NXPE2: variants seen among roughly 807,000 people sequenced by gnomAD.
NXPE2 encodes the protein NXPE family member 2.
Under a neutral mutation model 34.4 loss-of-function variants are expected in NXPE2, and 34 were observed. That is an observed-to-expected ratio of 0.99 (90% CI 0.75 to 1.31). The LOEUF (loss-of-function observed/expected upper bound fraction) is 1.31, where lower values mean the gene tolerates loss of function less well. Among genes scored for constraint, NXPE2 ranks in the 40% most tolerant of loss-of-function variants. NXPE2 has a pLI of 0.00. For missense variants in NXPE2, 649 were observed against 672.5 expected, an observed-to-expected ratio of 0.97 and a Z score of 0.39; for synonymous variants, 235 against 231.3, an observed-to-expected ratio of 1.02 and a Z score of -0.15.
At chr11:114,753,783 G>T in the NXPE2 span, among the ~76,000 whole-genome samples, 14 of 152,204 alleles carry the variant, frequency 9.2e-5, no homozygotes, top group Non-Finnish European at 1.5e-4. Context: ...CTATTGAAAA[G>T]CATTCACATT....
chr11:114,738,917 T>C, the NXPE2 span, among the ~76,000 whole-genome samples: 1 of 152,198 alleles, frequency 6.6e-6, no homozygotes, highest in South Asian at 2.1e-4. Flanking sequence ...TTCATTCAAG[T>C]TGTGCTTTAC....
At chr11:114,808,817 G>C in the NXPE2 span, among the ~76,000 whole-genome samples, 1 of 152,284 alleles carries the variant, frequency 6.6e-6, no homozygotes, top group East Asian at 1.9e-4. Context: ...AACAGAAAAA[G>C]AGGGAATCCT....
the NXPE2 span, among the ~76,000 whole-genome samples, chr11:114,742,866 G>T: frequency 6.6e-6 from 1 of 152,058 alleles, no homozygotes; most frequent in Admixed American, 6.6e-5. Flanking sequence ...TGTTTATATG[G>T]GTTTGACCAA....
the NXPE2 span, among the ~76,000 whole-genome samples, chr11:114,613,875 C>T: frequency 6.6e-6 from 1 of 151,924 alleles, no homozygotes. Context: ...ACCACTTTTG[C>T]CCTGTGGATA....
the NXPE2 span, among the ~76,000 whole-genome samples, chr11:114,525,840 C>T: frequency 9.2e-5 from 14 of 152,292 alleles, no homozygotes; most frequent in African/African-American, 1.7e-4. Context: ...TGTCTTTGTT[C>T]GGGGCTCAGC....
At chr11:114,765,544 G>A in the NXPE2 span, among the ~76,000 whole-genome samples, 1 of 152,064 alleles carries the variant, frequency 6.6e-6, no homozygotes, top group Non-Finnish European at 1.5e-5. Context: ...TTGCTTTATT[G>A]TGATTTTTTT....
At chr11:114,630,800 C>G in the NXPE2 span, among the ~76,000 whole-genome samples, 2 of 151,862 alleles carry the variant, frequency 1.3e-5, no homozygotes, top group African/African-American at 4.8e-5. Flanking sequence ...TATCCAGAAT[C>G]TACAATGAAC....
chr11:114,533,473 G>A, the NXPE2 span, among the ~76,000 whole-genome samples: 8 of 152,214 alleles, frequency 5.3e-5, no homozygotes, highest in Non-Finnish European at 1.0e-4. Context: ...TGCATGAGCT[G>A]AAGCAGGGCG....
chr11:114,792,751 C>T, the NXPE2 span, among the ~76,000 whole-genome samples: 16 of 150,282 alleles, frequency 1.1e-4, no homozygotes, highest in African/African-American at 2.9e-4. Flanking sequence ...CCTCTTATAT[C>T]AATTATTTCA....
the NXPE2 span, among the ~76,000 whole-genome samples, chr11:114,796,286 C>T: frequency 1.6e-4 from 25 of 152,204 alleles, 1 homozygote; most frequent in South Asian, 4.1e-4. Flanking sequence ...AAGCTCTGTT[C>T]GCATATTAAT....
chr11:114,538,107 C>A, the NXPE2 span, among the ~76,000 whole-genome samples: 2,072 of 152,118 alleles, frequency 0.014, 49 homozygotes, highest in African/African-American at 0.048. Context: ...CAGAACAGAG[C>A]CCTCAGAAAT....
the NXPE2 span, among the ~76,000 whole-genome samples, chr11:114,782,625 A>G: frequency 6.6e-6 from 1 of 152,202 alleles, no homozygotes; most frequent in Non-Finnish European, 1.5e-5. Flanking sequence ...GTTTTTCCCA[A>G]ATCCCACAGT....
the NXPE2 span, among the ~76,000 whole-genome samples, chr11:114,467,535 G>A: frequency 9.9e-5 from 15 of 151,922 alleles, no homozygotes; most frequent in African/African-American, 3.4e-4. Flanking sequence ...CCTGGAAATA[G>A]GGAAGAAGGC....
chr11:114,663,204 GC>G, the NXPE2 span, among the ~76,000 whole-genome samples: 1 of 152,080 alleles, frequency 6.6e-6, no homozygotes, highest in African/African-American at 2.4e-5. Context: ...AGGTTGAAGT[GC>G]CTCTTTGGAA....
the NXPE2 span, among the ~76,000 whole-genome samples, chr11:114,479,584 G>A: frequency 1.3e-5 from 2 of 152,086 alleles, no homozygotes; most frequent in Non-Finnish European, 2.9e-5. Flanking sequence ...ACAGCAGTTG[G>A]AATTGAGGTA....
At chr11:114,757,152 A>G in the NXPE2 span, among the ~76,000 whole-genome samples, 3 of 152,128 alleles carry the variant, frequency 2.0e-5, no homozygotes, top group Non-Finnish European at 4.4e-5. Context: ...TATTCTTGGA[A>G]TAAAAATATT....
the NXPE2 span, among the ~76,000 whole-genome samples, chr11:114,656,659 C>CA: frequency 6.6e-6 from 1 of 151,524 alleles, no homozygotes; most frequent in East Asian, 2.0e-4. Flanking sequence ...AATCAATGGG[C>CA]AAAAATCACA....
chr11:114,573,713 A>G, the NXPE2 span, among the ~76,000 whole-genome samples: 3 of 152,132 alleles, frequency 2.0e-5, no homozygotes, highest in Non-Finnish European at 4.4e-5. Flanking sequence ...CCAAATTTAC[A>G]AAACATTACT....
At chr11:114,794,727 C>A in the NXPE2 span, among the ~76,000 whole-genome samples, 8 of 152,060 alleles carry the variant, frequency 5.3e-5, no homozygotes, top group African/African-American at 1.7e-4. Flanking sequence ...ATAGGAAATT[C>A]CCACTCATGG....
Sources: gnomAD v4.1 joint callset for allele counts (sites outside exome capture counted in the v4.1 genomes callset) on GRCh38, gnomAD v4.1.1 for gene constraint, MANE v1.5 for transcripts, NCBI Gene and HGNC (gene_info 2026-07-23, HGNC 2026-07-21) for gene names.